PKD1L1: variants seen among roughly 807,000 people sequenced by gnomAD.
PKD1L1 encodes polycystin-1-like protein 1.
A neutral mutation model predicts 323.4 loss-of-function variants in PKD1L1; 236 were observed. That is an observed-to-expected ratio of 0.73 (90% CI 0.66 to 0.81). The LOEUF (loss-of-function observed/expected upper bound fraction) is 0.81, where lower values mean the gene tolerates loss of function less well. Ranked by LOEUF, PKD1L1 falls within the 40% of genes least tolerant of loss-of-function variation. The pLI, the probability that PKD1L1 is intolerant of heterozygous loss-of-function variation, is 0.00. For missense variants in PKD1L1, 3,320 were observed against 3,508.0 expected (o/e 0.95, Z 1.35); for synonymous variants, 1,344 against 1,335.0 (o/e 1.01, Z -0.15).
chr7:47,888,397 T>G (rs545149389), intron 16 of PKD1L1, among the ~76,000 whole-genome samples: 150 of 152,204 alleles, frequency 9.9e-4, no homozygotes, highest in African/African-American at 3.5e-3. Context: ...CCCTACAGAG[T>G]TCAGAGAGGC....
At chr7:47,843,274 G>A in intron 33 of PKD1L1, 105 bp from the exon 34 acceptor site, 1 of 831,486 alleles carries the variant, frequency 1.2e-6, no homozygotes, top group East Asian at 2.6e-5. Flanking sequence ...GTCCCTGCTG[G>A]GCTTCACTGA....
Position 47,803,357 on chromosome 7 carries a change from A to G in PKD1L1, c.7828-13T>C, listed in dbSNP as rs1363310107. ...GCCATCGAGCCCTCTGAGACAGAAG[A>G]ACATAACAGTCAGTGTGCCATGCCA... On this transcript the variant is annotated splice_polypyrimidine_tract_variant and intron_variant, in intron 52 of 56. Coordinates refer to ENST00000289672, the MANE Select transcript of PKD1L1 (RefSeq NM_138295.5). The G allele has an allele frequency of 6.2e-7, 1 of 1,613,156 alleles. No homozygotes were observed. The highest frequency in any genetic ancestry group is 1.1e-5 in the South Asian group (1 of 91,012).
chr7:47,797,714 C>G (rs1396904314), intron 54 of PKD1L1, among the ~76,000 whole-genome samples: 1 of 152,216 alleles, frequency 6.6e-6, no homozygotes, highest in Non-Finnish European at 1.5e-5. Flanking sequence ...TGCATGCCCC[C>G]TGTCTAAAAT....
chr7:47,881,684 G>C lies in PKD1L1; in HGVS notation c.3442+225C>G, dbSNP rs12536468. On this transcript the variant is annotated intron_variant, in intron 20 of 56. Coordinates refer to ENST00000289672, the MANE Select transcript of PKD1L1 (RefSeq NM_138295.5). ...CAGCACTTGGCAGCACCCCTCTTCC[G>C]CTTTGGTCTACACACATGGATCTCC... Among the ~76,000 whole-genome samples the C allele has an allele frequency of 0.43, 65,885 of 151,978 alleles. 15,302 individuals carry two copies. Among genetic ancestry groups the C allele is most frequent in the African/African-American group, 0.6 (24,786 of 41,454 alleles).
chr7:47,931,221 C>G lies in PKD1L1; in HGVS notation c.620G>C (p.Gly207Ala), dbSNP rs1411519468. 17 of 1,614,214 alleles carry G rather than the reference C, an allele frequency of 1.1e-5. No homozygotes were observed. The East Asian group carries it at 3.6e-4, about 34-fold the overall frequency. Residue 207 changes from glycine to alanine, a missense_variant, in exon 6 of 57, where the codon GGG (glycine) becomes GCG (alanine). Coordinates refer to ENST00000289672, the MANE Select transcript of PKD1L1 (RefSeq NM_138295.5). ...CATCGTGACAGTCCCAGGAAGCAGC[C>G]CCGTGGCCACATCCTCCGCACAGCA... ...LLCCAEDVATGLLPGTVTMET... is the reference protein window; with the variant it reads ...LLCCAEDVATALLPGTVTMET...
At chr7:47,792,541 A>C in intron 56 of PKD1L1, 86 bp downstream of exon 56, 1 of 1,338,874 alleles carries the variant, frequency 7.5e-7, no homozygotes, top group Non-Finnish European at 1.0e-6. Flanking sequence ...GGACCTTATA[A>C]TTTGGAAAAA....
chr7:47,859,009 G>C, intron 26 of PKD1L1, 124 bp from the exon 27 acceptor site: 1 of 1,258,198 alleles, frequency 7.9e-7, no homozygotes, highest in South Asian at 1.4e-5. Flanking sequence ...TGTAAATAAA[G>C]TGCCTCATGG....
chr7:47,959,733 C>T, the PKD1L1 span, among the ~76,000 whole-genome samples: 1 of 144,736 alleles, frequency 6.9e-6, no homozygotes, highest in East Asian at 2.2e-4. Context: ...GCCGCCCCGT[C>T]CGGGAGGGAG....
rs556945798 is a variant in PKD1L1 at position 47,792,769 on chromosome 7, A to T, written c.8384T>A (p.Leu2795Gln). The T allele has an allele frequency of 9.0e-5, 145 of 1,613,746 alleles. 1 individual carries two copies. The South Asian group carries it at 1.5e-3, about 16-fold the overall frequency. ...HNYYLDEFAN[L>Q]LDELLMKING... Reference sequence around the variant, plus strand: ...AATCTTCATCAGAAGTTCGTCTAACAGATTTGCAAATTCATCCAAGTAGTA... The same window carrying T: ...AATCTTCATCAGAAGTTCGTCTAACTGATTTGCAAATTCATCCAAGTAGTA... Residue 2795 changes from leucine to glutamine, a missense_variant, in exon 56 of 57, where the codon CTG (leucine) becomes CAG (glutamine). Leu to Gln is a moderately radical substitution (Grantham distance 113). Coordinates refer to ENST00000289672, the MANE Select transcript of PKD1L1 (RefSeq NM_138295.5).
chr7:47,837,447 CT>C (rs1305756949), intron 36 of PKD1L1, among the ~76,000 whole-genome samples: 1 of 152,160 alleles, frequency 6.6e-6, no homozygotes, highest in African/African-American at 2.4e-5. Context: ...CCTGGCCTTC[CT>C]CTGGCACCTC....
chr7:47,859,627 A>T (rs1293144211), intron 26 of PKD1L1, among the ~76,000 whole-genome samples: 72 of 123,622 alleles, frequency 5.8e-4, no homozygotes, highest in Non-Finnish European at 5.6e-4. Flanking sequence ...AAAGACATAC[A>T]TTTTTTTTTT....
Position 47,940,477 on chromosome 7 carries a change from T to C in PKD1L1, c.161-160A>G, listed in dbSNP as rs527892456. ...TGCGTGTCCTTGGGCTGCCGTGTCC[T>C]GCTGTGTGTGTTTTCTTTCTATTTC... On this transcript the variant is annotated intron_variant, in intron 2 of 56. Coordinates refer to ENST00000289672, the MANE Select transcript of PKD1L1 (RefSeq NM_138295.5). 7.2e-5 allele frequency among the ~76,000 whole-genome samples: 11 copies of C among 152,364 alleles called. 1 individual carries two copies. The South Asian group carries it at 2.3e-3, about 32-fold the overall frequency.
chr7:47,924,333 G>A (rs977797625), intron 7 of PKD1L1, among the ~76,000 whole-genome samples: 1 of 152,216 alleles, frequency 6.6e-6, no homozygotes, highest in Non-Finnish European at 1.5e-5. Flanking sequence ...AGCTGAGTTA[G>A]TTCCTTGGCA....
chr7:47,894,855 C>CAA (rs11417820), intron 14 of PKD1L1, among the ~76,000 whole-genome samples: 2,018 of 125,586 alleles, frequency 0.016, 37 homozygotes, highest in African/African-American at 0.049. Flanking sequence ...GAGACCCTGT[C>CAA]AAAAAAAAAA....
intron 1 of PKD1L1, among the ~76,000 whole-genome samples, chr7:47,945,729 C>T (rs1195921879): frequency 6.6e-6 from 1 of 152,244 alleles, no homozygotes. Context: ...CCCCACAGTC[C>T]ACAGCTGTGA....
At chr7:47,805,328 G>A (rs953081498) in intron 52 of PKD1L1, among the ~76,000 whole-genome samples, 10 of 152,214 alleles carry the variant, frequency 6.6e-5, no homozygotes, top group African/African-American at 2.4e-4. Context: ...TCCATCATTA[G>A]AAAGTCATTT....
At chr7:47,943,166 ATATATATATATATATATAT>A (rs1788030988) in intron 2 of PKD1L1, among the ~76,000 whole-genome samples, 2 of 32,894 alleles carry the variant, frequency 6.1e-5, no homozygotes, top group Non-Finnish European at 1.0e-4. Context: ...AAAAAAAAAT[ATATATATATATATATATAT>A]ATATATATAT....
At chr7:47,940,809 C>G (rs536356880) in intron 2 of PKD1L1, among the ~76,000 whole-genome samples, 3 of 152,190 alleles carry the variant, frequency 2.0e-5, no homozygotes, top group Non-Finnish European at 4.4e-5. Context: ...GACGTTCACT[C>G]CTCCCATCTC....
At chr7:47,861,749 T>C (rs375541152) in intron 26 of PKD1L1, among the ~76,000 whole-genome samples, 1 of 151,554 alleles carries the variant, frequency 6.6e-6, no homozygotes, top group Non-Finnish European at 1.5e-5. Context: ...GGCATGGTGG[T>C]GTGCGCCTGT....
Sources: gnomAD v4.1 joint callset for allele counts (sites outside exome capture counted in the v4.1 genomes callset) on GRCh38, gnomAD v4.1.1 for gene constraint, MANE v1.5 for transcripts, NCBI Gene and HGNC (gene_info 2026-07-23, HGNC 2026-07-21) for gene names.